PTPRD: variants seen among roughly 807,000 people sequenced by gnomAD.
PTPRD encodes the protein receptor-type tyrosine-protein phosphatase delta.
A neutral mutation model predicts 214.5 loss-of-function variants in PTPRD; 34 were observed. That is an observed-to-expected ratio of 0.16 (90% CI 0.12 to 0.21). The LOEUF (loss-of-function observed/expected upper bound fraction) is 0.21. Ranked by LOEUF, PTPRD falls within the 10% of genes least tolerant of loss-of-function variation. The pLI is 1.00. For missense variants in PTPRD, 2,545 were observed against 2,398.7 expected, an observed-to-expected ratio of 1.06 and a Z score of -1.27; for synonymous variants, 1,128 against 845.7, an observed-to-expected ratio of 1.33 and a Z score of -5.79.
intron 11 of PTPRD, among the ~76,000 whole-genome samples, chr9:8,907,517 C>CAAAAA (rs60277757): frequency 1.9e-4 from 15 of 79,650 alleles, no homozygotes; most frequent in Admixed American, 5.9e-4. Context: ...GACTCCGTCT[C>CAAAAA]AAAAAAAAAA....
chr9:8,379,472 C>G (rs1036782050), intron 37 of PTPRD, among the ~76,000 whole-genome samples: 5 of 152,098 alleles, frequency 3.3e-5, no homozygotes, highest in Admixed American at 1.3e-4. Context: ...ATATGCTAAA[C>G]ATATGATTTC....
At chr9:10,321,206 G>C (rs2096546273) in intron 3 of PTPRD, among the ~76,000 whole-genome samples, 1 of 151,740 alleles carries the variant, frequency 6.6e-6, no homozygotes, top group African/African-American at 2.4e-5. Context: ...CTACTCCAAA[G>C]GGGAAAAAAA....
intron 11 of PTPRD, among the ~76,000 whole-genome samples, chr9:8,933,309 A>G (rs114411192): frequency 0.021 from 1,987 of 94,440 alleles, 66 homozygotes; most frequent in African/African-American, 0.076. Flanking sequence ...AGCTGTTCCT[A>G]TTTGGCCATC....
intron 11 of PTPRD, among the ~76,000 whole-genome samples, chr9:8,738,177 ATGTAATATAAT>A (rs1437503457): frequency 6.6e-6 from 1 of 152,218 alleles, no homozygotes; most frequent in Non-Finnish European, 1.5e-5. Context: ...AATACGATGC[ATGTAATATAAT>A]TTGAAATGGA....
intron 5 of PTPRD, among the ~76,000 whole-genome samples, chr9:9,934,735 C>G (rs1285730312): frequency 6.6e-6 from 1 of 151,678 alleles, no homozygotes. Flanking sequence ...ATGAGGCCAG[C>G]ATCATTTTAA....
intron 12 of PTPRD, among the ~76,000 whole-genome samples, chr9:8,643,794 GAGGGCAACTC>G (rs944968353): frequency 1.1e-4 from 17 of 152,236 alleles, no homozygotes; most frequent in African/African-American, 3.4e-4. Context: ...GTGGGGAGCT[GAGGGCAACTC>G]AGGGCCTGCA....
chr9:9,231,012 G>T (rs932356077), intron 9 of PTPRD, among the ~76,000 whole-genome samples: 1 of 151,722 alleles, frequency 6.6e-6, no homozygotes, highest in Non-Finnish European at 1.5e-5. Context: ...GCTGAAACTT[G>T]AAAGTTCTTA....
chr9:8,742,037 A>AC (rs2092060364), intron 11 of PTPRD, among the ~76,000 whole-genome samples: 1 of 152,154 alleles, frequency 6.6e-6, no homozygotes, highest in Admixed American at 6.5e-5. Context: ...TCATGAAGCG[A>AC]TTATGCACCT....
At chr9:10,096,300 A>G (rs930997735) in intron 3 of PTPRD, among the ~76,000 whole-genome samples, 7 of 151,714 alleles carry the variant, frequency 4.6e-5, no homozygotes, top group African/African-American at 1.7e-4. Flanking sequence ...TAGAACAACC[A>G]AAGTGGTGTG....
At chr9:10,107,325 G>A (rs915675469) in intron 3 of PTPRD, among the ~76,000 whole-genome samples, 3 of 151,894 alleles carry the variant, frequency 2.0e-5, no homozygotes, top group Admixed American at 6.6e-5. Flanking sequence ...AAGAGGAGGC[G>A]CCAACAAAAA....
At chr9:10,006,590 T>C (rs1290385744) in intron 4 of PTPRD, among the ~76,000 whole-genome samples, 1 of 151,972 alleles carries the variant, frequency 6.6e-6, no homozygotes, top group Non-Finnish European at 1.5e-5. Context: ...CAGAGTATAA[T>C]TAATATTGTT....
chr9:9,563,449 C>G (rs2083481000), intron 8 of PTPRD, among the ~76,000 whole-genome samples: 1 of 152,130 alleles, frequency 6.6e-6, no homozygotes, highest in African/African-American at 2.4e-5. Flanking sequence ...ATGGATCACT[C>G]TCTCCTTATT....
chr9:10,211,818 G>C (rs1330177112), intron 3 of PTPRD, among the ~76,000 whole-genome samples: 2 of 151,970 alleles, frequency 1.3e-5, no homozygotes, highest in Non-Finnish European at 2.9e-5. Context: ...AAGAGAGGGG[G>C]GTGAGGGATG....
intron 14 of PTPRD, among the ~76,000 whole-genome samples, chr9:8,601,173 C>T (rs770492853): frequency 2.0e-5 from 3 of 152,172 alleles, no homozygotes; most frequent in Non-Finnish European, 4.4e-5. Flanking sequence ...GAAAGGGGAC[C>T]GAAGAGTGAG....
At chr9:8,656,085 AT>A (rs1180459429) in intron 12 of PTPRD, among the ~76,000 whole-genome samples, 1 of 152,086 alleles carries the variant, frequency 6.6e-6, no homozygotes, top group East Asian at 1.9e-4. Flanking sequence ...TGAAAAAAAC[AT>A]TTTTTAACAT....
chr9:9,618,402 A>G (rs182695750), intron 7 of PTPRD, among the ~76,000 whole-genome samples: 15 of 152,152 alleles, frequency 9.9e-5, no homozygotes, highest in Admixed American at 9.8e-4. Flanking sequence ...AAAAAACAAT[A>G]ATATAGTGCT....
chr9:8,632,518 A>G (rs1485301944), intron 14 of PTPRD, among the ~76,000 whole-genome samples: 1 of 151,952 alleles, frequency 6.6e-6, no homozygotes, highest in Non-Finnish European at 1.5e-5. Flanking sequence ...AGAAAGAGAT[A>G]AAGGCACAGA....
chr9:8,738,791 A>G (rs1037780775), intron 11 of PTPRD, among the ~76,000 whole-genome samples: 1 of 152,120 alleles, frequency 6.6e-6, no homozygotes, highest in African/African-American at 2.4e-5. Flanking sequence ...AACAAAAACT[A>G]CTGCTGTCAC....
intron 14 of PTPRD, among the ~76,000 whole-genome samples, chr9:8,611,489 G>A (rs1345777688): frequency 6.6e-6 from 1 of 152,108 alleles, no homozygotes; most frequent in Non-Finnish European, 1.5e-5. Context: ...TGAATTGCTT[G>A]AGCCCAGGAG....
Sources: gnomAD v4.1 joint callset for allele counts (sites outside exome capture counted in the v4.1 genomes callset) on GRCh38, gnomAD v4.1.1 for gene constraint, MANE v1.5 for transcripts, NCBI Gene and HGNC (gene_info 2026-07-23, HGNC 2026-07-21) for gene names.